The following SORCS1 variants were observed in gnomAD, a reference collection of about 807,000 sequenced individuals.
SORCS1 encodes sortilin related VPS10 domain containing receptor 1.
In SORCS1, 60 loss-of-function variants were observed where a neutral mutation model predicts 146.1. The ratio of observed to expected loss-of-function variants is 0.41; its 90% CI spans 0.33 to 0.51. The LOEUF is 0.51. Among genes scored for constraint, SORCS1 ranks in the 20% least tolerant of loss-of-function variants. The pLI is 0.21. For missense variants in SORCS1, 1,352 were observed against 1,487.6 expected, an observed-to-expected ratio of 0.91 and a Z score of 1.50; for synonymous variants, 637 against 584.0, an observed-to-expected ratio of 1.09 and a Z score of -1.31.
intron 15 of SORCS1, among the ~76,000 whole-genome samples, chr10:106,672,293 TC>T: frequency 6.6e-6 from 1 of 152,160 alleles, no homozygotes; most frequent in East Asian, 1.9e-4. Context: ...GAGAGACACT[TC>T]CATCCAAGCA....
intron 14 of SORCS1, 113 bp from the exon 15 acceptor site, chr10:106,673,098 T>C (rs1851729820): frequency 5.3e-6 from 4 of 750,122 alleles, no homozygotes; most frequent in Admixed American, 5.4e-5. Context: ...ACATGAATCA[T>C]ATCATTTAAT....
chr10:107,003,436 G>T (rs1261987862), intron 1 of SORCS1, among the ~76,000 whole-genome samples: 1 of 95,094 alleles, frequency 1.1e-5, no homozygotes, highest in Admixed American at 8.8e-5. Context: ...ATAAGTGTGT[G>T]TGTGTGTGTG....
intron 9 of SORCS1, among the ~76,000 whole-genome samples, chr10:106,690,693 C>T (rs149448019): frequency 1.1e-4 from 16 of 152,292 alleles, no homozygotes; most frequent in African/African-American, 3.8e-4. Flanking sequence ...AGAGGGTCTG[C>T]TTATTGCTTA....
At chr10:106,716,709 C>G (rs1361354633) in intron 6 of SORCS1, among the ~76,000 whole-genome samples, 1 of 152,178 alleles carries the variant, frequency 6.6e-6, no homozygotes, top group Admixed American at 6.5e-5. Context: ...CTTAGACAAA[C>G]CTTTCCATCC....
intron 1 of SORCS1, among the ~76,000 whole-genome samples, chr10:107,112,905 A>G (rs1965787186): frequency 6.6e-6 from 1 of 152,226 alleles, no homozygotes; most frequent in Non-Finnish European, 1.5e-5. Context: ...ATCAAATAAT[A>G]ATAGGGGACT....
chr10:106,815,304 A>C (rs1947683097), intron 3 of SORCS1, among the ~76,000 whole-genome samples: 1 of 152,136 alleles, frequency 6.6e-6, no homozygotes, highest in African/African-American at 2.4e-5. Context: ...GGAAGGAATA[A>C]AGGGAGGGAG....
At chr10:106,830,076 G>C (rs534579130) in intron 2 of SORCS1, among the ~76,000 whole-genome samples, 23 of 152,258 alleles carry the variant, frequency 1.5e-4, no homozygotes, top group Admixed American at 2.0e-4. Context: ...AACAAATTGT[G>C]TTTTCTTTCA....
At chr10:106,877,723 A>G (rs1048481824) in intron 2 of SORCS1, among the ~76,000 whole-genome samples, 1 of 152,188 alleles carries the variant, frequency 6.6e-6, no homozygotes, top group African/African-American at 2.4e-5. Context: ...CTCAGTGTAC[A>G]GCTTCAGTGA....
intron 2 of SORCS1, among the ~76,000 whole-genome samples, chr10:106,856,439 G>C (rs996650522): frequency 3.3e-5 from 5 of 152,172 alleles, no homozygotes; most frequent in Admixed American, 6.5e-5. Flanking sequence ...TGCTTAGGTG[G>C]AACATAATAG....
intron 6 of SORCS1, among the ~76,000 whole-genome samples, chr10:106,725,233 C>T (rs1856064047): frequency 6.6e-6 from 1 of 152,044 alleles, no homozygotes; most frequent in Admixed American, 6.6e-5. Flanking sequence ...AGAATAAAAA[C>T]CATGGGTTCC....
At chr10:107,155,843 T>A (rs1969237876) in intron 1 of SORCS1, among the ~76,000 whole-genome samples, 1 of 152,174 alleles carries the variant, frequency 6.6e-6, no homozygotes, top group African/African-American at 2.4e-5. Context: ...TAGTTGGTTG[T>A]CTGATAACAT....
chr10:106,613,518 T>G (rs1035161141), intron 21 of SORCS1, among the ~76,000 whole-genome samples: 2 of 152,272 alleles, frequency 1.3e-5, no homozygotes, highest in Middle Eastern at 6.8e-3. Flanking sequence ...GCAGGGTAAG[T>G]CCCTGGAAGG....
At chr10:107,055,671 G>C (rs1308708364) in intron 1 of SORCS1, among the ~76,000 whole-genome samples, 1 of 152,188 alleles carries the variant, frequency 6.6e-6, no homozygotes, top group African/African-American at 2.4e-5. Flanking sequence ...TTGATTCAAA[G>C]GGAGGGGAGA....
intron 5 of SORCS1, among the ~76,000 whole-genome samples, chr10:106,740,241 C>T (rs1207908729): frequency 6.6e-6 from 1 of 152,128 alleles, no homozygotes; most frequent in Non-Finnish European, 1.5e-5. Context: ...CTTCCCACAC[C>T]TCAGTGAATC....
chr10:106,602,743 C>A (rs1846328780), intron 23 of SORCS1, among the ~76,000 whole-genome samples: 1 of 152,160 alleles, frequency 6.6e-6, no homozygotes, highest in African/African-American at 2.4e-5. Flanking sequence ...GGTTATAGTT[C>A]TCCTACTTCA....
At chr10:106,760,311 G>A (rs558055797) in intron 5 of SORCS1, among the ~76,000 whole-genome samples, 2 of 152,028 alleles carry the variant, frequency 1.3e-5, no homozygotes, top group South Asian at 2.1e-4. Flanking sequence ...AGGCGTGATG[G>A]TGGGCGCCTG....
intron 5 of SORCS1, among the ~76,000 whole-genome samples, chr10:106,741,354 T>A (rs1012730762): frequency 6.6e-6 from 1 of 152,138 alleles, no homozygotes; most frequent in Non-Finnish European, 1.5e-5. Context: ...ATTCTAGCAG[T>A]TTGAGAGGCT....
chr10:106,919,603 G>T (rs922659424), intron 2 of SORCS1, among the ~76,000 whole-genome samples: 9 of 152,158 alleles, frequency 5.9e-5, no homozygotes, highest in Admixed American at 5.2e-4. Flanking sequence ...GAAAAAAATG[G>T]AAATTCCCTG....
At chr10:106,881,633 T>C (rs1306673012) in intron 2 of SORCS1, among the ~76,000 whole-genome samples, 1 of 152,216 alleles carries the variant, frequency 6.6e-6, no homozygotes, top group Non-Finnish European at 1.5e-5. Flanking sequence ...ATCTACAACA[T>C]GTACTCATGA....
Sources: allele counts gnomAD v4.1 joint callset (sites outside exome capture counted in the v4.1 genomes callset), GRCh38; gene constraint gnomAD v4.1.1; transcripts MANE v1.5; gene names NCBI Gene and HGNC (gene_info 2026-07-23, HGNC 2026-07-21).